VPS50: variants seen among roughly 807,000 people sequenced by gnomAD.
VPS50 encodes the protein VPS50 subunit of EARP/GARPII complex, also known as syndetin.
VPS50 carries 70 observed loss-of-function variants against 139.7 expected under a neutral mutation model. That is an observed-to-expected ratio of 0.50 (90% confidence interval 0.41 to 0.61). The LOEUF (loss-of-function observed/expected upper bound fraction) is 0.61. Ranked by LOEUF, VPS50 falls within the 20% of genes least tolerant of loss-of-function variation. The pLI is 0.00. For missense variants in VPS50, 921 were observed against 1,133.7 expected (o/e 0.81, Z 2.69); for synonymous variants, 365 against 376.7 (o/e 0.97, Z 0.36).
chr7:93,305,981 G>A lies in VPS50; in HGVS notation c.1606G>A (p.Glu536Lys). ...IQANHKDEET[E>K]DVLASNGYES... ...GGCCAACCACAAAGATGAAGAAACA[G>A]AAGATGTCTTAGCTTCTAATGGGGT... The change falls in exon 18 of 28, where the codon GAA becomes AAA. Residue 536 changes from glutamate (E) to lysine (K), a missense_variant. By Grantham distance (56) the Glu-to-Lys change is moderately conservative (BLOSUM62 1). Around this residue, in one of 3 missense-constraint regions of VPS50, gnomAD observed 744 missense variants for 930.6 expected, o/e 0.80. Coordinates refer to ENST00000305866, the MANE Select transcript of VPS50 (RefSeq NM_017667.4). 1.4e-5 allele frequency: 22 copies of A among 1,612,218 alleles called. No individual in the cohort carries two copies. The highest frequency in any genetic ancestry group is 1.9e-5 in the Non-Finnish European group (22 of 1,178,584).
At chr7:93,246,194 T>G in intron 2 of VPS50, 1 of 995,498 alleles carries the variant, frequency 1.0e-6, no homozygotes, top group Non-Finnish European at 1.5e-6. Context: ...AATGAAGAAA[T>G]GCAAACAGTA....
chr7:93,333,948 T>G, intron 21 of VPS50, 169 bp from the exon 22 acceptor site: 75 of 564,410 alleles, frequency 1.3e-4, no homozygotes, highest in East Asian at 2.5e-4. Flanking sequence ...TTGGTTCCCT[T>G]GAGATTTGAC....
chr7:93,284,932 A>C (rs1459008960), intron 12 of VPS50, among the ~76,000 whole-genome samples: 1 of 152,204 alleles, frequency 6.6e-6, no homozygotes, highest in Non-Finnish European at 1.5e-5. Flanking sequence ...GCCCTCACAG[A>C]AGTAATTAGA....
At chr7:93,299,045 T>C (rs1467437309) in intron 16 of VPS50, among the ~76,000 whole-genome samples, 1 of 152,158 alleles carries the variant, frequency 6.6e-6, no homozygotes, top group Non-Finnish European at 1.5e-5. Flanking sequence ...ATTGTAAAAA[T>C]TGGGGCAGGT....
At position 93,291,752 on chromosome 7, in the gene VPS50, C is replaced by T. The variant is rs769680294; in HGVS notation, c.992C>T (p.Ala331Val). 1.9e-6 allele frequency: 3 copies of T among 1,600,514 alleles called. No individual in the cohort carries two copies. The highest frequency in any genetic ancestry group is 2.7e-5 in the African/African-American group (2 of 74,610). Residue 331 changes from alanine to valine, a missense_variant, in exon 13 of 28, where the codon GCA becomes GTA. Around this residue, in one of 3 missense-constraint regions of VPS50, gnomAD observed 744 missense variants for 930.6 expected, o/e 0.80. Coordinates refer to ENST00000305866, the MANE Select transcript of VPS50 (RefSeq NM_017667.4). ...YIPCLADLCKALWEVMLSYYR... is the reference protein window; with the variant it reads ...YIPCLADLCKVLWEVMLSYYR... ...CCATGCCTTGCAGACCTGTGCAAAG[C>T]ACTATGGGAAGTTATGCTCAGCTAT...
intron 18 of VPS50, 141 bp downstream of exon 18, chr7:93,306,145 A>G (rs1220464522): frequency 8.2e-6 from 5 of 613,300 alleles, no homozygotes; most frequent in Non-Finnish European, 1.4e-5. Flanking sequence ...ATGCTATTAC[A>G]TTTATAGATG....
At chr7:93,319,685 A>G (rs973498326) in intron 20 of VPS50, among the ~76,000 whole-genome samples, 1 of 151,590 alleles carries the variant, frequency 6.6e-6, no homozygotes, top group Non-Finnish European at 1.5e-5. Flanking sequence ...TAGTATGTGG[A>G]CTCTTTTGAT....
intron 12 of VPS50, among the ~76,000 whole-genome samples, chr7:93,287,687 G>C (rs568529725): frequency 6.6e-6 from 1 of 152,024 alleles, no homozygotes. Flanking sequence ...ACATTTATGC[G>C]AAGTTGGGCT....
intron 12 of VPS50, among the ~76,000 whole-genome samples, chr7:93,284,771 A>G (rs544158347): frequency 6.6e-6 from 1 of 152,314 alleles, no homozygotes; most frequent in Non-Finnish European, 1.5e-5. Flanking sequence ...ATGAATTGCT[A>G]TGCAGGAGTC....
intron 2 of VPS50, among the ~76,000 whole-genome samples, chr7:93,251,913 C>G (rs1272297645): frequency 3.2e-4 from 48 of 152,112 alleles, no homozygotes; most frequent in Admixed American, 3.1e-3. Context: ...TAAAAATTTA[C>G]TAGTTAACTG....
At chr7:93,347,211 A>G (rs1798421747) in intron 23 of VPS50, among the ~76,000 whole-genome samples, 1 of 147,288 alleles carries the variant, frequency 6.8e-6, no homozygotes, top group Non-Finnish European at 1.5e-5. Flanking sequence ...TGCAGCCAAA[A>G]AACACATGAA....
At chr7:93,330,542 C>G (rs1010567323) in intron 21 of VPS50, among the ~76,000 whole-genome samples, 8 of 151,828 alleles carry the variant, frequency 5.3e-5, no homozygotes, top group African/African-American at 1.9e-4. Context: ...TCACTTGAGC[C>G]CAGAAGTTCG....
At chr7:93,353,909 A>G in intron 26 of VPS50, 148 bp downstream of exon 26, 5 of 617,190 alleles carry the variant, frequency 8.1e-6, no homozygotes, top group Middle Eastern at 4.6e-4. Context: ...GAAACCTTAG[A>G]CCCCACTGTG....
chr7:93,335,540 A>T (rs943091505), intron 22 of VPS50, among the ~76,000 whole-genome samples: 8 of 152,014 alleles, frequency 5.3e-5, no homozygotes, highest in African/African-American at 1.7e-4. Context: ...TCAATTTCAG[A>T]GTCAAGGCTC....
At chr7:93,308,967 AT>A in intron 19 of VPS50, 25 bp downstream of exon 19, 1 of 1,201,622 alleles carries the variant, frequency 8.3e-7, no homozygotes, top group Non-Finnish European at 1.2e-6. Context: ...ATTGTGTGGT[AT>A]TTAGCATTTT....
intron 12 of VPS50, among the ~76,000 whole-genome samples, chr7:93,281,628 T>G (rs1376116357): frequency 2.0e-5 from 3 of 152,224 alleles, no homozygotes; most frequent in Non-Finnish European, 4.4e-5. Flanking sequence ...TTTATATGTC[T>G]TTATGTTACT....
At chr7:93,331,009 A>T (rs949411017) in intron 21 of VPS50, among the ~76,000 whole-genome samples, 4 of 149,762 alleles carry the variant, frequency 2.7e-5, no homozygotes, top group Non-Finnish European at 4.4e-5. Context: ...AAAAATTTTT[A>T]AAAGCTTTAC....
chr7:93,278,174 C>T (rs1374987728), intron 12 of VPS50, among the ~76,000 whole-genome samples: 1 of 152,130 alleles, frequency 6.6e-6, no homozygotes, highest in Non-Finnish European at 1.5e-5. Flanking sequence ...GCTCATGCTT[C>T]ATGAGAAAGC....
At chr7:93,261,778 T>C (rs1795692600) in intron 9 of VPS50, among the ~76,000 whole-genome samples, 1 of 151,026 alleles carries the variant, frequency 6.6e-6, no homozygotes. Context: ...GGATCAAGAC[T>C]AAGGAGGACC....
Sources: allele counts gnomAD v4.1 joint callset (sites outside exome capture counted in the v4.1 genomes callset), GRCh38; gene constraint gnomAD v4.1.1; regional missense constraint gnomAD v4.1.1; transcripts MANE v1.5; gene names NCBI Gene and HGNC (gene_info 2026-07-23, HGNC 2026-07-21).